Variants in MAK observed in about 807,000 individuals in gnomAD.
The protein encoded by MAK is male germ cell associated kinase.
Under a neutral mutation model 82.6 loss-of-function variants are expected in MAK, and 65 were observed. The observed-to-expected ratio is 0.79, with a 90% CI of 0.64 to 0.97. MAK has a LOEUF of 0.97. MAK is among the 50% of genes least tolerant of loss of function. MAK has a pLI of 0.00. For synonymous variants in MAK, 250 were observed against 274.2 expected (o/e 0.91, Z 0.87); for missense variants, 703 against 780.2 (o/e 0.90, Z 1.18).
chr6:10,809,148 A>G (rs1250624842), intron 5 of MAK, among the ~76,000 whole-genome samples: 1 of 152,214 alleles, frequency 6.6e-6, no homozygotes, highest in Non-Finnish European at 1.5e-5. Flanking sequence ...GAAAGTTCAC[A>G]CAGTGTATGA....
chr6:10,810,905 C>T (rs758583183), intron 5 of MAK, among the ~76,000 whole-genome samples: 2 of 152,186 alleles, frequency 1.3e-5, no homozygotes, highest in Admixed American at 6.5e-5. Flanking sequence ...CATATTTGTA[C>T]AGCTGAGGTT....
rs142253010 is a variant in MAK, at chr6:10,777,799, C to T, written c.1466-2340G>A. 3.1e-3 allele frequency among the ~76,000 whole-genome samples: 465 copies of T among 152,044 alleles called. 6 individuals are homozygous for T. The highest frequency in any genetic ancestry group is 0.011 in the African/African-American group (448 of 41,470). ...GATTACAGGCATGCGCCATCACGCCCGGCTAATTTTGTATTTTTAGTAGAG... is the reference window on the plus strand; with the variant it reads ...GATTACAGGCATGCGCCATCACGCCTGGCTAATTTTGTATTTTTAGTAGAG... On this transcript the variant is annotated intron_variant, in intron 11 of 14. Coordinates refer to ENST00000354489, the MANE Select transcript of MAK (RefSeq NM_001242957.3).
At position 10,779,127 on chromosome 6, in the gene MAK, C is replaced by CAAAAA. The variant is rs918122203; in HGVS notation, c.1466-3673_1466-3669dup. ...TGGGCAACACAGCAACACTTCGTCT[C>CAAAAA]AAAAAAAAAAAAAAAAAAAAAAAAA... On this transcript the variant is annotated intron_variant, in intron 11 of 14. Coordinates refer to ENST00000354489, the MANE Select transcript of MAK (RefSeq NM_001242957.3). 1.2e-3 allele frequency among the ~76,000 whole-genome samples: 25 copies of CAAAAA among 20,012 alleles called. 1 individual carries two copies. The highest frequency in any genetic ancestry group is 3.6e-3 in the African/African-American group (23 of 6,396). 13.1% of individuals were successfully genotyped at this position (20,012 alleles called of 152,430 possible). A position where few individuals can be genotyped will look rare whatever the true frequency, so the allele number is the denominator to read the frequency against.
At chr6:10,775,242 T>C in intron 12 of MAK, 86 bp downstream of exon 12, 1 of 1,484,318 alleles carries the variant, frequency 6.7e-7, no homozygotes, top group Non-Finnish European at 9.3e-7. Flanking sequence ...ACATGTATCT[T>C]GGTTGGAAGA....
intron 14 of MAK, among the ~76,000 whole-genome samples, chr6:10,765,924 T>C (rs1381401036): frequency 6.6e-6 from 1 of 152,240 alleles, no homozygotes; most frequent in Non-Finnish European, 1.5e-5. Context: ...TAAAATTTCT[T>C]GAACATTTGT....
intron 13 of MAK, among the ~76,000 whole-genome samples, chr6:10,771,293 G>A (rs140153474): frequency 7.9e-5 from 12 of 152,256 alleles, no homozygotes; most frequent in African/African-American, 2.9e-4. Flanking sequence ...AGAGGTGGAT[G>A]GTAGGAGGAA....
chr6:10,830,310 C>A (rs572999840), intron 2 of MAK, among the ~76,000 whole-genome samples: 77 of 144,616 alleles, frequency 5.3e-4, no homozygotes, highest in Non-Finnish European at 8.5e-4. Flanking sequence ...GGATTACAGG[C>A]GCGTGCCACC....
chr6:10,822,523 G>C (rs1450160397), intron 2 of MAK, among the ~76,000 whole-genome samples: 2 of 151,690 alleles, frequency 1.3e-5, no homozygotes, highest in African/African-American at 2.4e-5. Flanking sequence ...CTTCTTTCCA[G>C]CAATTACCAC....
At chr6:10,815,148 CAATA>C (rs1777368242) in intron 4 of MAK, among the ~76,000 whole-genome samples, 1 of 151,758 alleles carries the variant, frequency 6.6e-6, no homozygotes, top group African/African-American at 2.4e-5. Context: ...TAATTTTTAA[CAATA>C]TATTTAATTT....
chr6:10,829,867 C>T (rs537194427), intron 2 of MAK, among the ~76,000 whole-genome samples: 264 of 151,760 alleles, frequency 1.7e-3, no homozygotes, highest in Middle Eastern at 0.017. Context: ...GATGGAGTCT[C>T]CTTCTGTCAC....
chr6:10,768,765 C>T lies in MAK; in HGVS notation c.1792+1346G>A, dbSNP rs183459597. On this transcript the variant is annotated intron_variant, in intron 14 of 14. Coordinates refer to ENST00000354489, the MANE Select transcript of MAK (RefSeq NM_001242957.3). ...TAGTACTATTTAAGCAGTTCTATTGCGGCAAGAAATAAAAAAATAAAGAAG... is the reference window on the plus strand; with the variant it reads ...TAGTACTATTTAAGCAGTTCTATTGTGGCAAGAAATAAAAAAATAAAGAAG... Among the ~76,000 whole-genome samples the T allele has an allele frequency of 2.4e-4, 37 of 152,138 alleles. No homozygotes were observed. The East Asian group carries it at 4.2e-3, about 17-fold the overall frequency.
chr6:10,783,520 C>T (rs191923537), intron 11 of MAK, among the ~76,000 whole-genome samples: 17 of 152,322 alleles, frequency 1.1e-4, no homozygotes, highest in Admixed American at 7.2e-4. Flanking sequence ...CTAATTCTTT[C>T]CACCAATCTA....
rs1371991328 is a variant in MAK at position 10,776,232 on chromosome 6, G to A, written c.1466-773C>T. Among the ~76,000 whole-genome samples the A allele has an allele frequency of 1.3e-5, 2 of 152,144 alleles. No homozygotes were observed. Among genetic ancestry groups the A allele is most frequent in the Non-Finnish European group, 2.9e-5 (2 of 68,034 alleles). On this transcript the variant is annotated intron_variant, in intron 11 of 14. Coordinates refer to ENST00000354489, the MANE Select transcript of MAK (RefSeq NM_001242957.3). The surrounding 1 kb of genome is among the most constrained non-coding windows in gnomAD (Gnocchi z 4.3). ...GAAGCTCCACCTGAAACGCTTATTT[G>A]TATATGAGATACAGTAAAATGGAAA...
intron 13 of MAK, among the ~76,000 whole-genome samples, chr6:10,770,696 A>T (rs1772926102): frequency 6.6e-6 from 1 of 152,222 alleles, no homozygotes; most frequent in Non-Finnish European, 1.5e-5. Context: ...GACTCTTCAG[A>T]GCACGTGGCA....
intron 6 of MAK, 51 bp from the exon 7 acceptor site, chr6:10,803,942 G>T: frequency 6.7e-7 from 1 of 1,496,796 alleles, no homozygotes; most frequent in Non-Finnish European, 9.3e-7. Context: ...TTTCAAAGGT[G>T]GATGGGCAGT....
At chr6:10,778,855 C>T (rs1023091526) in intron 11 of MAK, among the ~76,000 whole-genome samples, 2 of 151,950 alleles carry the variant, frequency 1.3e-5, no homozygotes, top group African/African-American at 4.8e-5. Flanking sequence ...AGGCCAGGTG[C>T]GGTGGCTCAT....
In MAK at chr6:10,779,122, C is replaced by T. The variant is rs1437648513; in HGVS notation, c.1466-3663G>A. On this transcript the variant is annotated intron_variant, in intron 11 of 14. Coordinates refer to ENST00000354489, the MANE Select transcript of MAK (RefSeq NM_001242957.3). ...CAGCCTGGGCAACACAGCAACACTTCGTCTCAAAAAAAAAAAAAAAAAAAA... is the reference window on the plus strand; with the variant it reads ...CAGCCTGGGCAACACAGCAACACTTTGTCTCAAAAAAAAAAAAAAAAAAAA... 2.8e-5 allele frequency among the ~76,000 whole-genome samples: 3 copies of T among 107,524 alleles called. No homozygotes were observed. In the East Asian group the frequency reaches 8.2e-4, roughly 29 times the overall value. The allele number at this position is 107,524 out of a possible 152,430, so 70.5% of individuals were successfully genotyped here.
intron 5 of MAK, among the ~76,000 whole-genome samples, chr6:10,811,695 C>T (rs1013879707): frequency 3.9e-5 from 6 of 152,208 alleles, no homozygotes; most frequent in Admixed American, 3.3e-4. Context: ...TGTAGTATAT[C>T]ATTACAGGAT....
chr6:10,837,901 G>A (rs983995384), intron 1 of MAK: 11 of 152,340 alleles, frequency 7.2e-5, no homozygotes, highest in African/African-American at 2.6e-4. Context: ...CCGGGCGCCG[G>A]GAGTCCGGCG....
Sources: allele counts gnomAD v4.1 joint callset (sites outside exome capture counted in the v4.1 genomes callset), GRCh38; gene constraint gnomAD v4.1.1; non-coding constraint Gnocchi (gnomAD v3.1); transcripts MANE v1.5; gene names NCBI Gene and HGNC (gene_info 2026-07-23, HGNC 2026-07-21).